TRMT9B: variants seen among roughly 807,000 people sequenced by gnomAD.
TRMT9B encodes tRNA methyltransferase 9B (putative).
TRMT9B carries 16 observed loss-of-function variants against 11.5 expected under a neutral mutation model. The ratio of observed to expected loss-of-function variants is 1.39; its 90% CI spans 0.94 to 2.11. TRMT9B has a LOEUF of 2.11. Ranked by LOEUF, TRMT9B falls within the 30% of genes most tolerant of loss-of-function variation. The pLI, the probability that TRMT9B is intolerant of heterozygous loss-of-function variation, is 0.00. For synonymous variants in TRMT9B, 274 were observed against 192.4 expected, an observed-to-expected ratio of 1.42 and a Z score of -3.51; for missense variants, 941 against 553.8, an observed-to-expected ratio of 1.70 and a Z score of -7.02.
chr8:13,005,331 T>C (rs1350139321), intron 2 of TRMT9B, among the ~76,000 whole-genome samples: 1 of 152,044 alleles, frequency 6.6e-6, no homozygotes, highest in African/African-American at 2.4e-5. Context: ...AGATTGTTAA[T>C]GGGTACAAAA....
intron 1 of TRMT9B, among the ~76,000 whole-genome samples, chr8:12,976,367 A>C (rs985243496): frequency 4.6e-5 from 4 of 86,130 alleles, no homozygotes; most frequent in African/African-American, 1.4e-4. Context: ...TTTATGCTTT[A>C]CTTTTTTTTT....
chr8:12,998,396 C>T (rs955853661), intron 2 of TRMT9B, among the ~76,000 whole-genome samples: 1 of 152,142 alleles, frequency 6.6e-6, no homozygotes, highest in Admixed American at 6.5e-5. Flanking sequence ...TATTTGGAGA[C>T]AGAACTGTTC....
chr8:12,975,663 G>A (rs10095300), intron 1 of TRMT9B, among the ~76,000 whole-genome samples: 6,232 of 152,200 alleles, frequency 0.041, 445 homozygotes, highest in African/African-American at 0.14. Flanking sequence ...CTTTGAACCC[G>A]TGAGGTGGAG....
rs536728284 is a variant in TRMT9B at position 13,029,353 on chromosome 8, C to T, written c.*7309C>T. On this transcript the variant is annotated 3_prime_UTR_variant, in exon 5 of 5. Transcript: ENST00000524591. Reference sequence around the variant, plus strand: ...GGGAAGCTAGCAATAGTTTTAAAAGCACAAAGTGATGTAAAATATTTTGAC... The same window carrying T: ...GGGAAGCTAGCAATAGTTTTAAAAGTACAAAGTGATGTAAAATATTTTGAC... 13 of 167,092 alleles carry T rather than the reference C, an allele frequency of 7.8e-5. No homozygotes were observed. Among genetic ancestry groups the T allele is most frequent in the Admixed American group, 1.3e-4 (2 of 15,296 alleles). The allele number at this position is 167,092 out of a possible 1,614,324, so 10.4% of individuals were successfully genotyped here.
intron 4 of TRMT9B, among the ~76,000 whole-genome samples, chr8:13,013,445 G>A (rs1016594083): frequency 6.6e-6 from 1 of 152,094 alleles, no homozygotes; most frequent in East Asian, 1.9e-4. Flanking sequence ...CTCCCAACAA[G>A]TGTGACCAGA....
Position 13,021,186 on chromosome 8 carries a change from C to G in TRMT9B, c.507C>G (p.Phe169Leu). ...PWNRALCSQL[F>L]SESSQSGRKR... ...ACAGGGCTCTGTGTTCCCAGCTCTTCTCAGAGTCCAGCCAGTCTGGGAGGA... is the reference window on the plus strand; with the variant it reads ...ACAGGGCTCTGTGTTCCCAGCTCTTGTCAGAGTCCAGCCAGTCTGGGAGGA... The change falls in exon 5 of 5, where the codon TTC becomes TTG. Residue 169 changes from phenylalanine (F) to leucine (L), a missense_variant. Transcript: ENST00000524591. 6.2e-7 allele frequency: 1 copy of G among 1,613,802 alleles called. No individual in the cohort carries two copies. The highest frequency in any genetic ancestry group is 8.5e-7 in the Non-Finnish European group (1 of 1,179,798).
intron 1 of TRMT9B, among the ~76,000 whole-genome samples, chr8:12,959,636 C>T (rs1024651077): frequency 4.7e-5 from 7 of 149,330 alleles, no homozygotes; most frequent in African/African-American, 1.5e-4. Context: ...CCTCCTGCCT[C>T]AGCCGCCCAA....
chr8:12,988,520 C>A (rs1806736631), intron 1 of TRMT9B, among the ~76,000 whole-genome samples: 1 of 152,024 alleles, frequency 6.6e-6, no homozygotes, highest in Non-Finnish European at 1.5e-5. Context: ...CTGGGGAGGC[C>A]TCAGGAAACT....
At chr8:13,005,544 G>A (rs377040859) in intron 2 of TRMT9B, among the ~76,000 whole-genome samples, 9 of 152,076 alleles carry the variant, frequency 5.9e-5, no homozygotes, top group African/African-American at 2.2e-4. Flanking sequence ...CATGTACTCC[G>A]TAAATATATA....
intron 1 of TRMT9B, among the ~76,000 whole-genome samples, chr8:12,976,967 A>G (rs377764409): frequency 3.7e-4 from 57 of 152,314 alleles, no homozygotes; most frequent in Middle Eastern, 3.4e-3. Context: ...AATCCTGCCT[A>G]TGCCTGCTCA....
chr8:13,000,615 T>C (rs1809244941), intron 2 of TRMT9B, among the ~76,000 whole-genome samples: 5 of 152,224 alleles, frequency 3.3e-5, no homozygotes, highest in African/African-American at 1.2e-4. Flanking sequence ...TGTCATCACA[T>C]TTACGATTTC....
intron 4 of TRMT9B, among the ~76,000 whole-genome samples, chr8:13,020,457 C>T (rs1163489096): frequency 6.6e-6 from 1 of 152,234 alleles, no homozygotes; most frequent in South Asian, 2.1e-4. Flanking sequence ...TATTTTATAT[C>T]TTATTATAAG....
At chr8:12,987,892 C>G (rs896529099) in intron 1 of TRMT9B, among the ~76,000 whole-genome samples, 7 of 152,066 alleles carry the variant, frequency 4.6e-5, no homozygotes, top group African/African-American at 1.7e-4. Flanking sequence ...TGTGGCTTCC[C>G]AGCATTGTGA....
At chr8:13,011,993 G>C in intron 3 of TRMT9B, 1 of 985,318 alleles carries the variant, frequency 1.0e-6, no homozygotes, top group South Asian at 4.7e-5. Context: ...AATAAAAGCC[G>C]AAACATGCGT....
intron 2 of TRMT9B, among the ~76,000 whole-genome samples, chr8:12,991,856 AG>A (rs1807396346): frequency 6.6e-6 from 1 of 152,158 alleles, no homozygotes; most frequent in South Asian, 2.1e-4. Flanking sequence ...GCTTGAACCC[AG>A]GAGGTGGAGG....
chr8:13,011,562 A>G, intron 3 of TRMT9B: 2 of 931,554 alleles, frequency 2.1e-6, no homozygotes, highest in Non-Finnish European at 2.6e-6. Context: ...TATATCTGTG[A>G]TAGAATATAA....
intron 4 of TRMT9B, among the ~76,000 whole-genome samples, chr8:13,020,651 C>T (rs1224836097): frequency 1.3e-5 from 2 of 152,128 alleles, no homozygotes; most frequent in East Asian, 3.9e-4. Flanking sequence ...TAGTAATTCA[C>T]ATTGACCATC....
At chr8:12,988,371 C>A (rs1026531923) in intron 1 of TRMT9B, among the ~76,000 whole-genome samples, 1 of 152,092 alleles carries the variant, frequency 6.6e-6, no homozygotes, top group African/African-American at 2.4e-5. Flanking sequence ...TTTGCAATAA[C>A]ACAAAATGAT....
At chr8:12,959,647 G>T (rs1465067187) in intron 1 of TRMT9B, among the ~76,000 whole-genome samples, 1 of 146,834 alleles carries the variant, frequency 6.8e-6, no homozygotes, top group African/African-American at 2.5e-5. Context: ...AGCCGCCCAA[G>T]TAGCCGGGGC....
Sources: gnomAD v4.1 joint callset for allele counts (sites outside exome capture counted in the v4.1 genomes callset) on GRCh38, gnomAD v4.1.1 for gene constraint, MANE v1.5 for transcripts, NCBI Gene and HGNC (gene_info 2026-07-23, HGNC 2026-07-21) for gene names.